Variants in DLGAP1 observed in about 807,000 individuals in gnomAD.
DLGAP1 encodes disks large-associated protein 1.
DLGAP1 carries 11 observed loss-of-function variants against 90.8 expected under a neutral mutation model. The observed-to-expected ratio is 0.12, with a 90% CI of 0.08 to 0.20. The LOEUF is 0.20. Ranked by LOEUF, DLGAP1 falls within the 10% of genes least tolerant of loss-of-function variation. DLGAP1 has a pLI of 1.00. For synonymous variants in DLGAP1, 558 were observed against 540.7 expected, an observed-to-expected ratio of 1.03 and a Z score of -0.44; for missense variants, 1,050 against 1,333.8, an observed-to-expected ratio of 0.79 and a Z score of 3.31.
intron 2 of DLGAP1, among the ~76,000 whole-genome samples, chr18:4,137,668 T>A (rs59094784): frequency 6.6e-6 from 1 of 152,128 alleles, no homozygotes; most frequent in African/African-American, 2.4e-5. Context: ...GTGAAGAATA[T>A]CTTTGGTATT....
At chr18:3,853,325 G>A (rs994551947) in intron 4 of DLGAP1, among the ~76,000 whole-genome samples, 10 of 152,084 alleles carry the variant, frequency 6.6e-5, no homozygotes, top group African/African-American at 2.4e-4. Context: ...GATTTTTTCG[G>A]ATTTTAGAAC....
intron 5 of DLGAP1, among the ~76,000 whole-genome samples, chr18:3,806,065 T>C (rs566730549): frequency 1.3e-5 from 2 of 152,188 alleles, no homozygotes; most frequent in East Asian, 1.9e-4. Flanking sequence ...GCTCCTAATA[T>C]GTCCACCTAG....
intron 5 of DLGAP1, among the ~76,000 whole-genome samples, chr18:3,788,382 C>T (rs933623187): frequency 6.6e-6 from 1 of 152,144 alleles, no homozygotes; most frequent in African/African-American, 2.4e-5. Flanking sequence ...CTGCTTAATC[C>T]TTTCAATCCT....
chr18:3,575,402 T>C (rs576919440), intron 8 of DLGAP1, among the ~76,000 whole-genome samples: 15 of 152,298 alleles, frequency 9.8e-5, no homozygotes, highest in African/African-American at 3.6e-4. Context: ...GTTTTGCAAA[T>C]TGAGTTAAAT....
intron 1 of DLGAP1, among the ~76,000 whole-genome samples, chr18:4,442,558 A>G (rs2083561352): frequency 6.6e-6 from 1 of 152,200 alleles, no homozygotes; most frequent in Non-Finnish European, 1.5e-5. Context: ...GTAGAGTACT[A>G]GACATATAGA....
At chr18:3,982,331 C>A (rs1790398959) in intron 3 of DLGAP1, among the ~76,000 whole-genome samples, 1 of 152,162 alleles carries the variant, frequency 6.6e-6, no homozygotes, top group African/African-American at 2.4e-5. Flanking sequence ...TACTTCGGCA[C>A]ACTTATACAT....
At chr18:4,343,660 G>T (rs933409740) in intron 1 of DLGAP1, among the ~76,000 whole-genome samples, 1 of 151,870 alleles carries the variant, frequency 6.6e-6, no homozygotes, top group Admixed American at 6.6e-5. Context: ...GGGGTCGGGG[G>T]CTAGGGGAGG....
intron 2 of DLGAP1, among the ~76,000 whole-genome samples, chr18:4,146,262 C>T (rs1373027774): frequency 6.6e-6 from 1 of 152,114 alleles, no homozygotes; most frequent in Non-Finnish European, 1.5e-5. Flanking sequence ...AATAACACGG[C>T]CCCCATTTTA....
intron 1 of DLGAP1, among the ~76,000 whole-genome samples, chr18:4,300,512 A>T (rs2080098670): frequency 6.6e-6 from 1 of 152,170 alleles, no homozygotes; most frequent in African/African-American, 2.4e-5. Context: ...CAATTAAAAA[A>T]ACTCTTGCAA....
At chr18:4,420,979 G>A (rs2083016563) in intron 1 of DLGAP1, among the ~76,000 whole-genome samples, 1 of 152,126 alleles carries the variant, frequency 6.6e-6, no homozygotes, top group Admixed American at 6.6e-5. Context: ...TGAGAATTTG[G>A]TTCAGAGATT....
intron 7 of DLGAP1, among the ~76,000 whole-genome samples, chr18:3,622,191 G>T (rs999687283): frequency 6.6e-6 from 1 of 151,204 alleles, no homozygotes; most frequent in Non-Finnish European, 1.5e-5. Context: ...TGCCAGCTCC[G>T]CCTCCCAGGT....
chr18:4,075,754 T>C (rs1465262501), intron 2 of DLGAP1, among the ~76,000 whole-genome samples: 1 of 152,230 alleles, frequency 6.6e-6, no homozygotes, highest in Non-Finnish European at 1.5e-5. Flanking sequence ...CATTCAACTT[T>C]GGTATTTCTT....
chr18:4,260,765 A>AGACAAT (rs1316972990), intron 1 of DLGAP1, among the ~76,000 whole-genome samples: 1 of 152,230 alleles, frequency 6.6e-6, no homozygotes, highest in Admixed American at 6.5e-5. Flanking sequence ...ATTATACTAG[A>AGACAAT]GACAATATCT....
At chr18:3,659,841 C>T (rs142031954) in intron 7 of DLGAP1, among the ~76,000 whole-genome samples, 2 of 152,098 alleles carry the variant, frequency 1.3e-5, no homozygotes, top group Admixed American at 6.6e-5. Context: ...TGGGATTACA[C>T]GCATGAGCCA....
At chr18:3,646,782 G>A (rs926210032) in intron 7 of DLGAP1, among the ~76,000 whole-genome samples, 14 of 151,900 alleles carry the variant, frequency 9.2e-5, no homozygotes, top group South Asian at 2.1e-4. Flanking sequence ...AAAATTAGCC[G>A]GGCGTGGTGG....
At chr18:3,741,115 C>A (rs371581998) in intron 6 of DLGAP1, among the ~76,000 whole-genome samples, 1 of 92,554 alleles carries the variant, frequency 1.1e-5, no homozygotes, top group Non-Finnish European at 2.2e-5. Context: ...ACCATCACCA[C>A]CACCATCACC....
rs565852476 is a variant in DLGAP1, at chr18:3,628,370, A to G, written c.1592-46122T>C. On this transcript the variant is annotated intron_variant, in intron 7 of 12. Coordinates refer to ENST00000315677, the MANE Select transcript of DLGAP1 (RefSeq NM_004746.4). ...ACACTCAGACGATTTTTGTATTTTC[A>G]GTAGAGACGAGGTTTGACCATGTCC... Among the ~76,000 whole-genome samples, 3 of 150,174 alleles carry G rather than the reference A, an allele frequency of 2.0e-5. No homozygotes were observed. In the South Asian group the frequency reaches 6.3e-4, roughly 32 times the overall value.
chr18:3,862,554 G>A (rs1397590249), intron 4 of DLGAP1, among the ~76,000 whole-genome samples: 1 of 152,198 alleles, frequency 6.6e-6, no homozygotes, highest in Non-Finnish European at 1.5e-5. Context: ...CAGGCACGTG[G>A]AGGGGACAGC....
intron 1 of DLGAP1, among the ~76,000 whole-genome samples, chr18:4,418,022 T>C (rs1369117851): frequency 2.0e-5 from 3 of 151,300 alleles, no homozygotes; most frequent in Admixed American, 6.6e-5. Context: ...AGAGCAAGCA[T>C]TGAGAGAAAA....
Sources: allele counts gnomAD v4.1 joint callset (sites outside exome capture counted in the v4.1 genomes callset), GRCh38; gene constraint gnomAD v4.1.1; transcripts MANE v1.5; gene names NCBI Gene and HGNC (gene_info 2026-07-23, HGNC 2026-07-21).